ANO3: variants seen among roughly 807,000 people sequenced by gnomAD.
ANO3 encodes anoctamin-3.
In ANO3, 99 loss-of-function variants were observed where a neutral mutation model predicts 144.8. That is an observed-to-expected ratio of 0.68 (90% confidence interval 0.58 to 0.81). ANO3 has a LOEUF of 0.81. Among genes scored for constraint, ANO3 ranks in the 30% least tolerant of loss-of-function variants. The pLI is 0.00. For synonymous variants in ANO3, 414 were observed against 392.6 expected, an observed-to-expected ratio of 1.05 and a Z score of -0.64; for missense variants, 905 against 1,202.2, an observed-to-expected ratio of 0.75 and a Z score of 3.66.
chr11:26,407,813 T>C (rs1463793766), intron 1 of ANO3, among the ~76,000 whole-genome samples: 1 of 151,814 alleles, frequency 6.6e-6, no homozygotes, highest in African/African-American at 2.4e-5. Flanking sequence ...GCCCCATCTT[T>C]GTCCCCTACC....
At chr11:26,337,644 A>G (rs1379080947) in intron 1 of ANO3, among the ~76,000 whole-genome samples, 1 of 152,178 alleles carries the variant, frequency 6.6e-6, no homozygotes, top group East Asian at 1.9e-4. Flanking sequence ...AATGTCTTAT[A>G]AGTCTGCAGA....
chr11:26,486,452 A>G (rs1345404136), intron 4 of ANO3, among the ~76,000 whole-genome samples: 2 of 151,860 alleles, frequency 1.3e-5, no homozygotes, highest in Non-Finnish European at 2.9e-5. Context: ...GGCTATAGCC[A>G]TGTTTGAGTT....
intron 1 of ANO3, among the ~76,000 whole-genome samples, chr11:26,438,977 T>C (rs566070979): frequency 6.6e-6 from 1 of 152,260 alleles, no homozygotes; most frequent in Non-Finnish European, 1.5e-5. Flanking sequence ...GGTTTTGGCA[T>C]AGGAATGGAC....
intron 14 of ANO3, among the ~76,000 whole-genome samples, chr11:26,574,150 T>C (rs1009409342): frequency 6.6e-6 from 1 of 152,272 alleles, no homozygotes; most frequent in African/African-American, 2.4e-5. Context: ...GTGCCTTTCA[T>C]CTGGCACTCA....
At chr11:26,320,462 G>A (rs966752888) in intron 1 of ANO3, among the ~76,000 whole-genome samples, 5 of 152,136 alleles carry the variant, frequency 3.3e-5, no homozygotes, top group African/African-American at 1.2e-4. Flanking sequence ...CAAAGATGTT[G>A]TATGCTCTTA....
chr11:26,309,511 A>G (rs1036237998), upstream of ANO3: 2 of 246,104 alleles, frequency 8.1e-6, no homozygotes, highest in African/African-American at 4.6e-5. Context: ...AATTTGGCCT[A>G]TATCAGATAG....
At chr11:26,229,758 G>A (rs1852348955) in intron 1 of ANO3, among the ~76,000 whole-genome samples, 1 of 152,040 alleles carries the variant, frequency 6.6e-6, no homozygotes, top group Admixed American at 6.6e-5. Flanking sequence ...AAGTTAGAAA[G>A]GGTGTGAAAC....
chr11:26,642,746 A>G (rs2133062690), intron 22 of ANO3, among the ~76,000 whole-genome samples: 1 of 152,264 alleles, frequency 6.6e-6, no homozygotes, highest in African/African-American at 2.4e-5. Flanking sequence ...CTCCGTCTGA[A>G]TCTTAACTTC....
intron 1 of ANO3, among the ~76,000 whole-genome samples, chr11:26,268,688 G>A (rs866196862): frequency 2.0e-5 from 3 of 152,126 alleles, no homozygotes; most frequent in African/African-American, 7.2e-5. Flanking sequence ...GATATCAGCC[G>A]AAGAAGGTGC....
At chr11:26,327,024 T>G (rs1854902330) in intron 1 of ANO3, among the ~76,000 whole-genome samples, 1 of 152,184 alleles carries the variant, frequency 6.6e-6, no homozygotes, top group Admixed American at 6.5e-5. Flanking sequence ...AGAAATAAAG[T>G]CATGAAGCTA....
At position 26,565,813 on chromosome 11, in the gene ANO3, A is replaced by G. The variant is rs752475227; in HGVS notation, c.1447+6034A>G. The G allele has an allele frequency of 7.0e-5, 113 of 1,612,390 alleles. No individual in the cohort carries two copies. In the Middle Eastern group the frequency reaches 8.2e-4, roughly 12 times the overall value. ...TTTCCATGGCTCCCCGATAGAAGTG[A>G]ATAAAACAACGTTGAAATCAACAGA... On this transcript the variant is annotated intron_variant, in intron 14 of 26. Transcript: ENST00000256737.
At chr11:26,285,097 A>ATTTTTT (rs60725629) in intron 1 of ANO3, among the ~76,000 whole-genome samples, 5 of 149,440 alleles carry the variant, frequency 3.3e-5, no homozygotes, top group African/African-American at 1.2e-4. Flanking sequence ...ACTGTGTACA[A>ATTTTTT]TTTTTTTTTT....
chr11:26,635,842 C>T (rs1852940702), intron 20 of ANO3, among the ~76,000 whole-genome samples: 1 of 152,110 alleles, frequency 6.6e-6, no homozygotes, highest in African/African-American at 2.4e-5. Flanking sequence ...TAATTCTTCC[C>T]ACCCAGATGC....
upstream of ANO3, among the ~76,000 whole-genome samples, chr11:26,330,358 T>C (rs1295337559): frequency 1.3e-5 from 2 of 152,176 alleles, no homozygotes; most frequent in Admixed American, 6.5e-5. Flanking sequence ...TTAAAAGCCC[T>C]TACGGAGACA....
intron 14 of ANO3, among the ~76,000 whole-genome samples, chr11:26,572,585 A>G (rs1850870834): frequency 6.6e-6 from 1 of 152,068 alleles, no homozygotes; most frequent in East Asian, 1.9e-4. Context: ...TCTGTACTCT[A>G]GTAGATTGCC....
At chr11:26,577,996 T>C (rs773473454) in intron 14 of ANO3, among the ~76,000 whole-genome samples, 1 of 152,214 alleles carries the variant, frequency 6.6e-6, no homozygotes, top group Non-Finnish European at 1.5e-5. Flanking sequence ...TTGAATATCA[T>C]GGAAGGCCTG....
intron 1 of ANO3, among the ~76,000 whole-genome samples, chr11:26,439,040 T>C (rs536697843): frequency 6.6e-6 from 1 of 151,258 alleles, no homozygotes; most frequent in Admixed American, 6.6e-5. Flanking sequence ...CATAAATTTG[T>C]GGATAATTGA....
At chr11:26,450,499 AT>A (rs1055032642) in intron 3 of ANO3, among the ~76,000 whole-genome samples, 2 of 152,210 alleles carry the variant, frequency 1.3e-5, no homozygotes, top group African/African-American at 4.8e-5. Context: ...AGAGCAAGCC[AT>A]GTATGGACCA....
intron 1 of ANO3, among the ~76,000 whole-genome samples, chr11:26,275,421 T>G (rs553740310): frequency 1.3e-5 from 2 of 152,196 alleles, no homozygotes; most frequent in Non-Finnish European, 2.9e-5. Context: ...CTAGGATTTT[T>G]ATTCACTTTC....
Sources: gnomAD v4.1 joint callset for allele counts (sites outside exome capture counted in the v4.1 genomes callset) on GRCh38, gnomAD v4.1.1 for gene constraint, MANE v1.5 for transcripts, NCBI Gene and HGNC (gene_info 2026-07-23, HGNC 2026-07-21) for gene names.